Variants in CACNB2 observed in about 807,000 individuals in gnomAD.
CACNB2 encodes voltage-dependent L-type calcium channel subunit beta-2.
Under a neutral mutation model 73.3 loss-of-function variants are expected in CACNB2, and 42 were observed. That is an observed-to-expected ratio of 0.57 (90% CI 0.45 to 0.74). The LOEUF (loss-of-function observed/expected upper bound fraction) is 0.74. Ranked by LOEUF, CACNB2 falls within the 30% of genes least tolerant of loss-of-function variation. The pLI, the probability that CACNB2 is intolerant of heterozygous loss-of-function variation, is 0.00. For missense variants in CACNB2, 940 were observed against 853.0 expected, an observed-to-expected ratio of 1.10 and a Z score of -1.27; for synonymous variants, 348 against 310.3, an observed-to-expected ratio of 1.12 and a Z score of -1.28.
At chr10:18,348,076 T>C (rs1668770173) in intron 2 of CACNB2, among the ~76,000 whole-genome samples, 1 of 152,236 alleles carries the variant, frequency 6.6e-6, no homozygotes. Flanking sequence ...AAAATTTTAA[T>C]GACTCACATG....
intron 2 of CACNB2, among the ~76,000 whole-genome samples, chr10:18,367,771 G>T (rs1205159445): frequency 6.6e-6 from 1 of 152,090 alleles, no homozygotes; most frequent in African/African-American, 2.4e-5. Flanking sequence ...ATACATTTTT[G>T]AAATTGTAGA....
intron 5 of CACNB2, among the ~76,000 whole-genome samples, chr10:18,502,587 A>C (rs2050255962): frequency 1.3e-5 from 2 of 148,924 alleles, no homozygotes; most frequent in Admixed American, 6.8e-5. Context: ...GCTACTTGAG[A>C]AGCTGAGGCA....
intron 3 of CACNB2, among the ~76,000 whole-genome samples, chr10:18,433,905 TG>T (rs1448163046): frequency 7.1e-6 from 1 of 140,192 alleles, no homozygotes; most frequent in African/African-American, 2.5e-5. Context: ...TTGTTGTTGT[TG>T]TTGTTGTTTT....
rs1038257977 is a variant in CACNB2, at chr10:18,266,701, C to T, written c.213+115726C>T. Among the ~76,000 whole-genome samples the T allele has an allele frequency of 5.9e-5, 9 of 152,114 alleles. 1 individual carries two copies. Among genetic ancestry groups the T allele is most frequent in the Non-Finnish European group, 1.2e-4 (8 of 68,026 alleles). ...GTCAGGAGTTCAGGACCAGCCTGGA[C>T]AACAGGGTGAAACCTCGTCTCTACT... On this transcript the variant is annotated intron_variant, in intron 2 of 13. Transcript: ENST00000324631.
chr10:18,220,108 T>TA (rs2035674143), intron 2 of CACNB2, among the ~76,000 whole-genome samples: 1 of 44,326 alleles, frequency 2.3e-5, no homozygotes, highest in African/African-American at 1.8e-4. Context: ...TTTTTATTTT[T>TA]TAATATATAT....
chr10:18,271,974 G>C (rs1299700260), intron 2 of CACNB2, among the ~76,000 whole-genome samples: 1 of 151,932 alleles, frequency 6.6e-6, no homozygotes, highest in Non-Finnish European at 1.5e-5. Flanking sequence ...AGAGAGTAAG[G>C]GACAAGGGTT....
intron 2 of CACNB2, among the ~76,000 whole-genome samples, chr10:18,361,175 G>A (rs539859351): frequency 2.6e-5 from 4 of 151,344 alleles, no homozygotes; most frequent in Non-Finnish European, 4.4e-5. Context: ...TCTACTTCCC[G>A]GGCTCATCCA....
chr10:18,364,398 T>C (rs2042266493), intron 2 of CACNB2, among the ~76,000 whole-genome samples: 1 of 151,988 alleles, frequency 6.6e-6, no homozygotes, highest in South Asian at 2.1e-4. Context: ...TCTTCCGGGT[T>C]CTAGCAATTC....
rs182280090 is a variant in CACNB2 at position 18,175,504 on chromosome 10, C to G, written c.213+24529C>G. Among the ~76,000 whole-genome samples the G allele has an allele frequency of 1.1e-4, 16 of 152,276 alleles. No homozygotes were observed. In the East Asian group the frequency reaches 3.1e-3, roughly 29 times the overall value. ...ATGAAAGTTCACAGGCTCTTATTCA[C>G]TTAAGTCTTTAGAAATTTGTGTCTC... On this transcript the variant is annotated intron_variant, in intron 2 of 13. Transcript: ENST00000324631.
At chr10:18,384,329 G>A (rs758525633) in intron 2 of CACNB2, among the ~76,000 whole-genome samples, 80 of 152,172 alleles carry the variant, frequency 5.3e-4, no homozygotes, top group Middle Eastern at 3.4e-3. Flanking sequence ...TGTATATTAC[G>A]TGAAAAATTA....
At chr10:18,320,367 C>G (rs1447307739) in intron 2 of CACNB2, among the ~76,000 whole-genome samples, 1 of 152,098 alleles carries the variant, frequency 6.6e-6, no homozygotes, top group African/African-American at 2.4e-5. Context: ...TGGTCTATGA[C>G]ATAGTTAAGT....
Position 18,539,774 on chromosome 10 carries a change from C to G in CACNB2, c.*50C>G. Reference sequence around the variant, plus strand: ...TTTTTTTTTTTGAAGTCTTGTATAACTAACAGCATCCCCAAAACAAAGTCT... The same window carrying G: ...TTTTTTTTTTTGAAGTCTTGTATAAGTAACAGCATCCCCAAAACAAAGTCT... On this transcript the variant is annotated 3_prime_UTR_variant, in exon 14 of 14. Transcript: ENST00000324631. 3 of 1,528,062 alleles carry G rather than the reference C, an allele frequency of 2.0e-6. No homozygotes were observed. Among genetic ancestry groups the G allele is most frequent in the Middle Eastern group, 1.8e-4 (1 of 5,628 alleles). The allele number at this position is 1,528,062 out of a possible 1,614,324, so 94.7% of individuals were successfully genotyped here. A position where few individuals can be genotyped will look rare whatever the true frequency, so the allele number is the denominator to read the frequency against.
intron 2 of CACNB2, among the ~76,000 whole-genome samples, chr10:18,277,875 T>G (rs2038368489): frequency 6.6e-6 from 1 of 152,224 alleles, no homozygotes; most frequent in Non-Finnish European, 1.5e-5. Flanking sequence ...TGAGTCAATC[T>G]GTTATCCTCA....
chr10:18,459,618 T>C (rs1238514653), intron 3 of CACNB2, among the ~76,000 whole-genome samples: 1 of 152,252 alleles, frequency 6.6e-6, no homozygotes, highest in Non-Finnish European at 1.5e-5. Context: ...TTTTTTATTA[T>C]TATGTATCAT....
At chr10:18,442,950 ATATATATGTATATATATATGTG>A (rs2046507139) in intron 3 of CACNB2, among the ~76,000 whole-genome samples, 1 of 22,044 alleles carries the variant, frequency 4.5e-5, no homozygotes, top group Non-Finnish European at 7.2e-5. Flanking sequence ...ATGTGTATAT[ATATATATGTATATATATATGTG>A]TATATATATA....
intron 2 of CACNB2, among the ~76,000 whole-genome samples, chr10:18,184,647 T>A (rs2034057487): frequency 1.3e-5 from 1 of 75,762 alleles, no homozygotes; most frequent in Non-Finnish European, 2.5e-5. Flanking sequence ...TTCTCAGACT[T>A]TGTTTTTTTT....
intron 9 of CACNB2, among the ~76,000 whole-genome samples, 186 bp from the exon 10 acceptor site, chr10:18,527,402 C>T (rs975748238): frequency 1.1e-4 from 16 of 151,796 alleles, no homozygotes; most frequent in African/African-American, 3.9e-4. Context: ...CAAAGTAAGG[C>T]AGGTGCAAGA....
chr10:18,400,033 T>A (rs1233355754), intron 2 of CACNB2, among the ~76,000 whole-genome samples: 2 of 152,202 alleles, frequency 1.3e-5, no homozygotes, highest in East Asian at 3.9e-4. Flanking sequence ...TTTATGCCAG[T>A]GGCTTTATTT....
intron 2 of CACNB2, among the ~76,000 whole-genome samples, chr10:18,197,773 A>G (rs564419733): frequency 6.6e-6 from 1 of 152,220 alleles, no homozygotes; most frequent in Admixed American, 6.5e-5. Context: ...AGCCAAAAAA[A>G]CAGTCAGATC....
Sources: allele counts gnomAD v4.1 joint callset (sites outside exome capture counted in the v4.1 genomes callset), GRCh38; gene constraint gnomAD v4.1.1; transcripts MANE v1.5; gene names NCBI Gene and HGNC (gene_info 2026-07-23, HGNC 2026-07-21).